GRID1: variants seen among roughly 807,000 people sequenced by gnomAD.
The protein encoded by GRID1 is glutamate ionotropic receptor delta type subunit 1.
GRID1 carries 28 observed loss-of-function variants against 98.0 expected under a neutral mutation model. That is an observed-to-expected ratio of 0.29 (90% CI 0.21 to 0.39). GRID1 has a LOEUF of 0.39. GRID1 is among the 10% of genes least tolerant of loss of function. GRID1 has a pLI of 1.00. For synonymous variants in GRID1, 553 were observed against 538.5 expected (o/e 1.03, Z -0.37); for missense variants, 1,111 against 1,340.5 (o/e 0.83, Z 2.67).
chr10:85,702,958 T>C (rs1186394375), intron 12 of GRID1, among the ~76,000 whole-genome samples: 1 of 143,602 alleles, frequency 7.0e-6, no homozygotes, highest in Non-Finnish European at 1.5e-5. Context: ...GATGAAAAAA[T>C]GAACCAGACA....
At chr10:86,055,108 G>A (rs1248621249) in intron 4 of GRID1, among the ~76,000 whole-genome samples, 5 of 152,182 alleles carry the variant, frequency 3.3e-5, no homozygotes, top group Admixed American at 3.3e-4. Context: ...ACAGACATCA[G>A]TGACCTCACC....
intron 4 of GRID1, among the ~76,000 whole-genome samples, chr10:86,080,439 G>GGGAAGGGAAGGGA (rs1843957139): frequency 4.3e-5 from 1 of 23,388 alleles, no homozygotes; most frequent in African/African-American, 1.7e-4. Flanking sequence ...GAGGGGAGGG[G>GGGAAGGGAAGGGA]AGGGGAGGGG....
intron 3 of GRID1, among the ~76,000 whole-genome samples, chr10:86,157,415 G>A (rs557400649): frequency 2.2e-4 from 33 of 152,312 alleles, no homozygotes; most frequent in African/African-American, 7.7e-4. Context: ...CCAGTAAGCA[G>A]GGTGGCCAAG....
chr10:86,294,573 T>C (rs1367152549), intron 2 of GRID1, among the ~76,000 whole-genome samples: 2 of 152,134 alleles, frequency 1.3e-5, no homozygotes, highest in Non-Finnish European at 2.9e-5. Flanking sequence ...CCCAAGGCAC[T>C]GGACCTGAGC....
chr10:86,059,930 C>T (rs776082319), intron 4 of GRID1, among the ~76,000 whole-genome samples: 6 of 152,204 alleles, frequency 3.9e-5, no homozygotes, highest in Admixed American at 6.5e-5. Context: ...AACGAGTATA[C>T]GTAGCTTGTG....
At chr10:86,141,683 T>C (rs1845013235) in intron 3 of GRID1, among the ~76,000 whole-genome samples, 1 of 152,252 alleles carries the variant, frequency 6.6e-6, no homozygotes, top group Non-Finnish European at 1.5e-5. Flanking sequence ...CACAATTACA[T>C]GCTCAGCTCC....
intron 2 of GRID1, among the ~76,000 whole-genome samples, chr10:86,315,547 A>G (rs779405034): frequency 2.0e-5 from 3 of 152,136 alleles, no homozygotes; most frequent in Non-Finnish European, 2.9e-5. Context: ...CCACAGTTTA[A>G]TTTTGTATCA....
chr10:85,923,124 G>A (rs1177004765), intron 4 of GRID1, among the ~76,000 whole-genome samples: 2 of 102,840 alleles, frequency 1.9e-5, no homozygotes, highest in Non-Finnish European at 2.0e-5. Flanking sequence ...CCTTTCCCAG[G>A]AGCCAGCCCC....
intron 3 of GRID1, among the ~76,000 whole-genome samples, chr10:86,197,937 CACTT>C (rs763365804): frequency 3.3e-5 from 5 of 152,064 alleles, no homozygotes; most frequent in African/African-American, 9.7e-5. Context: ...CAATTAAACT[CACTT>C]ACTCATTTTG....
intron 3 of GRID1, among the ~76,000 whole-genome samples, chr10:86,187,573 G>A (rs1345578820): frequency 6.6e-6 from 1 of 152,176 alleles, no homozygotes; most frequent in East Asian, 1.9e-4. Context: ...AGATTCCCAG[G>A]AGCAGCCAGA....
Position 86,357,131 on chromosome 10 carries a change from C to T in GRID1, c.235+6810G>A, listed in dbSNP as rs952754907. 3.3e-5 allele frequency among the ~76,000 whole-genome samples: 5 copies of T among 152,344 alleles called. 1 individual carries two copies. In the South Asian group the frequency reaches 1.0e-3, roughly 32 times the overall value. ...AAGGGGCCACCTCATCCCCTCCAGTCCACCCTGCCCACACCTCAGGTCCAG... is the reference window on the plus strand; with the variant it reads ...AAGGGGCCACCTCATCCCCTCCAGTTCACCCTGCCCACACCTCAGGTCCAG... On this transcript the variant is annotated intron_variant, in intron 2 of 15. Transcript: ENST00000327946.
chr10:86,192,326 T>G lies in GRID1; in HGVS notation c.520+14038A>C, dbSNP rs796936278. Among the ~76,000 whole-genome samples the G allele has an allele frequency of 6.6e-6, 1 of 152,240 alleles. No homozygotes were observed. The highest frequency in any genetic ancestry group is 2.4e-5 in the African/African-American group (1 of 41,544). On this transcript the variant is annotated intron_variant, in intron 3 of 15. Transcript: ENST00000327946. This position sits in a 1 kb window ranked among gnomAD's most constrained non-coding sequence, Gnocchi z 4.8. ...ATGAATAGGTCAATAAAATTCTGTC[T>G]ATCCACACAATGGAATATTACTCAG...
intron 8 of GRID1, among the ~76,000 whole-genome samples, chr10:85,836,335 G>A (rs993636607): frequency 6.6e-6 from 1 of 152,142 alleles, no homozygotes; most frequent in African/African-American, 2.4e-5. Context: ...GCTTTTAACA[G>A]ATCTTCAGAG....
intron 2 of GRID1, among the ~76,000 whole-genome samples, chr10:86,222,884 G>C (rs1846280015): frequency 6.6e-6 from 1 of 152,162 alleles, no homozygotes; most frequent in Non-Finnish European, 1.5e-5. Context: ...AGGGCTAGGA[G>C]TGTCAGGTGC....
At chr10:86,217,262 G>C (rs567731796) in intron 2 of GRID1, among the ~76,000 whole-genome samples, 2 of 152,198 alleles carry the variant, frequency 1.3e-5, no homozygotes, top group Non-Finnish European at 2.9e-5. Context: ...TGGTAGCTGT[G>C]TGCCCTCAGG....
chr10:85,874,175 C>T (rs923771023), intron 5 of GRID1, among the ~76,000 whole-genome samples: 4 of 152,012 alleles, frequency 2.6e-5, no homozygotes, highest in Admixed American at 6.5e-5. Flanking sequence ...AAAATAGGAA[C>T]ATATTCAAAT....
At chr10:86,084,356 G>C (rs1844020017) in intron 4 of GRID1, among the ~76,000 whole-genome samples, 1 of 152,022 alleles carries the variant, frequency 6.6e-6, no homozygotes, top group East Asian at 1.9e-4. Flanking sequence ...AAGAGAGGAA[G>C]GGAGAAAAAG....
At chr10:85,868,767 G>A (rs559471783) in intron 6 of GRID1, among the ~76,000 whole-genome samples, 1 of 152,304 alleles carries the variant, frequency 6.6e-6, no homozygotes, top group East Asian at 1.9e-4. Flanking sequence ...CTCTATGCAT[G>A]TGACTTTTAA....
At chr10:86,240,373 T>C (rs116177871) in intron 2 of GRID1, among the ~76,000 whole-genome samples, 1,663 of 152,208 alleles carry the variant, frequency 0.011, 39 homozygotes, top group African/African-American at 0.037. Flanking sequence ...TGGCCTGGGA[T>C]TGTGCCTGGC....
Sources: gnomAD v4.1 joint callset for allele counts (sites outside exome capture counted in the v4.1 genomes callset) on GRCh38, gnomAD v4.1.1 for gene constraint, Gnocchi (gnomAD v3.1) non-coding constraint, MANE v1.5 for transcripts, NCBI Gene and HGNC (gene_info 2026-07-23, HGNC 2026-07-21) for gene names.